CNTNAP2: variants seen among roughly 807,000 people sequenced by gnomAD.
The protein encoded by CNTNAP2 is contactin-associated protein-like 2.
A neutral mutation model predicts 155.2 loss-of-function variants in CNTNAP2; 98 were observed. That is an observed-to-expected ratio of 0.63 (90% CI 0.54 to 0.75). The LOEUF (loss-of-function observed/expected upper bound fraction) is 0.75, where lower values mean the gene tolerates loss of function less well. Ranked by LOEUF, CNTNAP2 falls within the 30% of genes least tolerant of loss-of-function variation. The pLI is 0.00. For synonymous variants in CNTNAP2, 651 were observed against 631.2 expected, an observed-to-expected ratio of 1.03 and a Z score of -0.47; for missense variants, 1,727 against 1,688.1, an observed-to-expected ratio of 1.02 and a Z score of -0.40.
chr7:146,942,200 A>C (rs376043204), intron 3 of CNTNAP2, among the ~76,000 whole-genome samples: 75 of 152,270 alleles, frequency 4.9e-4, no homozygotes, highest in African/African-American at 1.7e-3. Context: ...AAATACCTTC[A>C]AAATTCTATG....
chr7:147,083,798 T>G (rs912804916), intron 4 of CNTNAP2, among the ~76,000 whole-genome samples: 3 of 138,640 alleles, frequency 2.2e-5, no homozygotes, highest in Non-Finnish European at 4.5e-5. Flanking sequence ...TATATACATA[T>G]ACACATGTAT....
intron 1 of CNTNAP2, among the ~76,000 whole-genome samples, chr7:146,292,444 T>A (rs1047631338): frequency 6.6e-6 from 1 of 152,142 alleles, no homozygotes; most frequent in Non-Finnish European, 1.5e-5. Flanking sequence ...ATAAAAATTT[T>A]AAAAAATGAG....
chr7:147,169,122 G>T (rs539456386), intron 8 of CNTNAP2, among the ~76,000 whole-genome samples: 5 of 151,842 alleles, frequency 3.3e-5, no homozygotes, highest in Non-Finnish European at 1.5e-5. Context: ...CTGTAAATTG[G>T]GCTCCAAACA....
chr7:148,021,709 G>A (rs1246240418), intron 15 of CNTNAP2, among the ~76,000 whole-genome samples: 2 of 152,196 alleles, frequency 1.3e-5, no homozygotes, highest in African/African-American at 4.8e-5. Context: ...CAGACAGGGT[G>A]GCAGGAATGC....
intron 3 of CNTNAP2, among the ~76,000 whole-genome samples, chr7:146,928,968 G>A (rs1323774527): frequency 6.6e-6 from 1 of 152,250 alleles, no homozygotes; most frequent in Non-Finnish European, 1.5e-5. Context: ...CACAGCTCAA[G>A]GAGGCCTGCC....
chr7:147,261,007 C>T (rs889812501), intron 8 of CNTNAP2, among the ~76,000 whole-genome samples: 1 of 152,126 alleles, frequency 6.6e-6, no homozygotes, highest in African/African-American at 2.4e-5. Flanking sequence ...TGGCAAAATC[C>T]GAGGCACAAC....
intron 18 of CNTNAP2, among the ~76,000 whole-genome samples, chr7:148,215,183 A>G (rs1795614840): frequency 6.6e-6 from 1 of 152,222 alleles, no homozygotes; most frequent in Admixed American, 6.5e-5. Flanking sequence ...ATTTATCTGG[A>G]AATAAAGCAT....
chr7:146,253,240 T>A (rs1215812592), intron 1 of CNTNAP2, among the ~76,000 whole-genome samples: 1 of 152,228 alleles, frequency 6.6e-6, no homozygotes, highest in East Asian at 1.9e-4. Flanking sequence ...TCTGTATCCA[T>A]GAATTTCTCC....
At chr7:146,558,600 G>T (rs535986358) in intron 1 of CNTNAP2, among the ~76,000 whole-genome samples, 188 of 151,572 alleles carry the variant, frequency 1.2e-3, no homozygotes, top group African/African-American at 3.8e-3. Context: ...TGATTTTTTT[G>T]GGGGGGAAAT....
intron 9 of CNTNAP2, among the ~76,000 whole-genome samples, chr7:147,387,283 A>G (rs1436981319): frequency 6.6e-6 from 1 of 152,178 alleles, no homozygotes; most frequent in African/African-American, 2.4e-5. Flanking sequence ...AATCATAATT[A>G]TATCTTCACT....
chr7:146,148,708 G>A (rs1013518280), intron 1 of CNTNAP2, among the ~76,000 whole-genome samples: 1 of 151,908 alleles, frequency 6.6e-6, no homozygotes, highest in African/African-American at 2.4e-5. Context: ...TATTACAAAG[G>A]CTATAATCAC....
At chr7:146,963,949 A>AT (rs35894846) in intron 3 of CNTNAP2, among the ~76,000 whole-genome samples, 30,518 of 149,054 alleles carry the variant, frequency 0.2, 3,404 homozygotes, top group Non-Finnish European at 0.25. Context: ...AGACAGGATG[A>AT]TTTTTTTTTT....
chr7:146,306,001 A>T (rs1341960993), intron 1 of CNTNAP2, among the ~76,000 whole-genome samples: 2 of 152,088 alleles, frequency 1.3e-5, no homozygotes, highest in Non-Finnish European at 2.9e-5. Context: ...GACCGCTAGC[A>T]AGACAAATAA....
intron 18 of CNTNAP2, among the ~76,000 whole-genome samples, chr7:148,210,135 C>A (rs986003944): frequency 3.3e-5 from 5 of 152,120 alleles, no homozygotes; most frequent in Non-Finnish European, 5.9e-5. Context: ...GGTAGGGGGG[C>A]CTTTAAGATG....
At chr7:147,614,770 C>A (rs1801249964) in intron 12 of CNTNAP2, among the ~76,000 whole-genome samples, 1 of 64,226 alleles carries the variant, frequency 1.6e-5, no homozygotes, top group African/African-American at 7.8e-5. Context: ...TAATGAAGTT[C>A]TTTTACTCTT....
chr7:146,389,865 C>A (rs188099994), intron 1 of CNTNAP2, among the ~76,000 whole-genome samples: 207 of 151,848 alleles, frequency 1.4e-3, no homozygotes, highest in South Asian at 6.7e-3. Context: ...CCACGCCCAG[C>A]TAAATTTGTA....
At chr7:146,868,372 C>T (rs1439286004) in intron 3 of CNTNAP2, among the ~76,000 whole-genome samples, 4 of 152,150 alleles carry the variant, frequency 2.6e-5, no homozygotes, top group Non-Finnish European at 4.4e-5. Context: ...TTCCATTGGT[C>T]TATGTGCCTG....
chr7:147,007,058 T>C (rs182010888), intron 3 of CNTNAP2, among the ~76,000 whole-genome samples: 62 of 152,208 alleles, frequency 4.1e-4, no homozygotes, highest in African/African-American at 1.4e-3. Context: ...TCTCAAAACA[T>C]GTGTACTACA....
At chr7:147,393,424 A>G (rs1387970169) in intron 9 of CNTNAP2, among the ~76,000 whole-genome samples, 1 of 151,432 alleles carries the variant, frequency 6.6e-6, no homozygotes, top group African/African-American at 2.4e-5. Context: ...TCACACATAC[A>G]TCCATTCATT....
Sources: gnomAD v4.1 joint callset for allele counts (sites outside exome capture counted in the v4.1 genomes callset) on GRCh38, gnomAD v4.1.1 for gene constraint, MANE v1.5 for transcripts, NCBI Gene and HGNC (gene_info 2026-07-23, HGNC 2026-07-21) for gene names.